Variants in MAGI1 observed in about 807,000 individuals in gnomAD.
MAGI1 encodes the protein membrane associated guanylate kinase, WW and PDZ domain containing 1.
In MAGI1, 58 loss-of-function variants were observed where a neutral mutation model predicts 139.9. The observed-to-expected ratio is 0.41, with a 90% CI of 0.34 to 0.52. The LOEUF is 0.52. MAGI1 is among the 20% of genes least tolerant of loss of function. The probability of loss-of-function intolerance (pLI) is 0.12; values close to 1 mark genes in which losing one functional copy is unlikely to be tolerated. For missense variants in MAGI1, 1,874 were observed against 1,901.6 expected (o/e 0.99, Z 0.27); for synonymous variants, 812 against 737.9 (o/e 1.10, Z -1.63).
At position 65,970,695 on chromosome 3, in the gene MAGI1, C is replaced by T. The variant is rs116340105; in HGVS notation, c.313+67301G>A. Among the ~76,000 whole-genome samples the T allele has an allele frequency of 9.7e-3, 1,479 of 152,252 alleles. 22 individuals carry two copies. Among genetic ancestry groups the T allele is most frequent in the African/African-American group, 0.033 (1,375 of 41,528 alleles). The stretch of plus-strand genomic sequence containing the variant: ...CCACACCCTAAGTAAAGCTACCCTA[C>T]AAAGCTATGACTGAGAGAATGAGAT... On this transcript the variant is annotated intron_variant, in intron 1 of 22. Coordinates refer to ENST00000402939, the MANE Select transcript of MAGI1 (RefSeq NM_001033057.2).
chr3:65,881,179 G>A (rs1268630434), intron 1 of MAGI1, among the ~76,000 whole-genome samples: 1 of 152,006 alleles, frequency 6.6e-6, no homozygotes, highest in African/African-American at 2.4e-5. Flanking sequence ...AGCCACTCTG[G>A]CATCTGATTT....
chr3:65,951,407 T>C (rs1436177536), intron 1 of MAGI1, among the ~76,000 whole-genome samples: 2 of 152,222 alleles, frequency 1.3e-5, no homozygotes, highest in Non-Finnish European at 2.9e-5. Flanking sequence ...TTCAGTGAAA[T>C]TTTGTTAAAC....
chr3:65,948,753 T>C (rs1349823849), intron 1 of MAGI1, among the ~76,000 whole-genome samples: 7 of 152,196 alleles, frequency 4.6e-5, no homozygotes, highest in Admixed American at 1.3e-4. Context: ...TAAAAAGCTA[T>C]ATATGCCAAG....
At chr3:65,778,778 A>C (rs577084020) in intron 1 of MAGI1, among the ~76,000 whole-genome samples, 15 of 152,356 alleles carry the variant, frequency 9.8e-5, no homozygotes, top group African/African-American at 3.4e-4. Context: ...CTTCACTTTT[A>C]ATGACTTTTA....
At chr3:65,544,557 G>A (rs1271220729) in intron 2 of MAGI1, among the ~76,000 whole-genome samples, 1 of 152,166 alleles carries the variant, frequency 6.6e-6, no homozygotes. Flanking sequence ...CTAGCATGCA[G>A]AAAGAAGGAA....
chr3:65,478,296 C>T (rs962337088), intron 4 of MAGI1, among the ~76,000 whole-genome samples: 2 of 152,110 alleles, frequency 1.3e-5, no homozygotes, highest in Non-Finnish European at 2.9e-5. Context: ...TATTTATATA[C>T]ATATATCATT....
At chr3:65,565,713 C>T (rs9311945) in intron 2 of MAGI1, among the ~76,000 whole-genome samples, 55,902 of 151,394 alleles carry the variant, frequency 0.37, 11,687 homozygotes, top group East Asian at 0.65. Flanking sequence ...AAAAATTAGC[C>T]GGGTGTGGTG....
At chr3:65,943,518 T>C (rs1476534062) in intron 1 of MAGI1, among the ~76,000 whole-genome samples, 2 of 150,790 alleles carry the variant, frequency 1.3e-5, no homozygotes, top group African/African-American at 4.9e-5. Flanking sequence ...GAGCTTGCAG[T>C]GAGCCAAGAT....
At chr3:65,388,235 C>A (rs1006731487) in intron 14 of MAGI1, among the ~76,000 whole-genome samples, 2 of 152,196 alleles carry the variant, frequency 1.3e-5, no homozygotes, top group African/African-American at 4.8e-5. Context: ...TGGTACATTG[C>A]AACACATTTA....
At chr3:65,886,658 A>G (rs962396318) in intron 1 of MAGI1, among the ~76,000 whole-genome samples, 2 of 152,216 alleles carry the variant, frequency 1.3e-5, no homozygotes, top group African/African-American at 2.4e-5. Flanking sequence ...GCACAGGAGG[A>G]CAATATCTCT....
At chr3:65,504,466 T>A (rs1186319395) in intron 2 of MAGI1, among the ~76,000 whole-genome samples, 1 of 152,196 alleles carries the variant, frequency 6.6e-6, no homozygotes, top group Non-Finnish European at 1.5e-5. Context: ...TTGCCAAGAA[T>A]TACACAGCTG....
intron 1 of MAGI1, among the ~76,000 whole-genome samples, chr3:65,892,263 C>G (rs1052460260): frequency 1.3e-5 from 2 of 152,004 alleles, no homozygotes; most frequent in Non-Finnish European, 2.9e-5. Flanking sequence ...AAAGATGTCT[C>G]AATCCATGGT....
chr3:65,578,364 GA>G (rs959302411), intron 2 of MAGI1, among the ~76,000 whole-genome samples: 3 of 151,216 alleles, frequency 2.0e-5, no homozygotes, highest in Admixed American at 1.3e-4. Flanking sequence ...AGAAGAAAGG[GA>G]AAAAAAAGAG....
At chr3:65,612,715 A>C (rs2106955124) in intron 2 of MAGI1, among the ~76,000 whole-genome samples, 1 of 152,312 alleles carries the variant, frequency 6.6e-6, no homozygotes, top group South Asian at 2.1e-4. Context: ...AATTTTACTT[A>C]CGTTTATTGA....
intron 1 of MAGI1, among the ~76,000 whole-genome samples, chr3:65,883,462 GACAA>G (rs1194522499): frequency 1.3e-5 from 2 of 152,156 alleles, no homozygotes; most frequent in East Asian, 1.9e-4. Context: ...ATACTTGCTA[GACAA>G]ACAATTCTTC....
At chr3:65,857,182 A>G (rs2059401781) in intron 1 of MAGI1, among the ~76,000 whole-genome samples, 1 of 148,658 alleles carries the variant, frequency 6.7e-6, no homozygotes, top group Non-Finnish European at 1.5e-5. Flanking sequence ...AGAAGCATTT[A>G]GAACAGGAAA....
At chr3:65,933,642 T>C (rs529138314) in intron 1 of MAGI1, among the ~76,000 whole-genome samples, 3 of 152,220 alleles carry the variant, frequency 2.0e-5, no homozygotes, top group African/African-American at 4.8e-5. Flanking sequence ...GTGAAAATTA[T>C]TGGGAGGAGA....
intron 1 of MAGI1, among the ~76,000 whole-genome samples, chr3:65,807,058 C>A (rs2040906333): frequency 6.6e-6 from 1 of 152,170 alleles, no homozygotes; most frequent in Non-Finnish European, 1.5e-5. Flanking sequence ...GTAAGACCAC[C>A]CTATGAGACA....
intron 1 of MAGI1, among the ~76,000 whole-genome samples, chr3:66,032,716 G>C (rs2068690279): frequency 6.6e-6 from 1 of 151,562 alleles, no homozygotes; most frequent in African/African-American, 2.4e-5. Context: ...GAGCTCAAGA[G>C]ACCAGCCTGG....
Sources: allele counts gnomAD v4.1 joint callset (sites outside exome capture counted in the v4.1 genomes callset), GRCh38; gene constraint gnomAD v4.1.1; transcripts MANE v1.5; gene names NCBI Gene and HGNC (gene_info 2026-07-23, HGNC 2026-07-21).